POU2F2: variants seen among roughly 807,000 people sequenced by gnomAD.
The protein encoded by POU2F2 is POU domain, class 2, transcription factor 2.
Under a neutral mutation model 63.5 loss-of-function variants are expected in POU2F2, and 14 were observed. That is an observed-to-expected ratio of 0.22 (90% CI 0.15 to 0.34). The LOEUF is 0.34. Among genes scored for constraint, POU2F2 ranks in the 10% least tolerant of loss-of-function variants. The pLI, the probability that POU2F2 is intolerant of heterozygous loss-of-function variation, is 1.00. For synonymous variants in POU2F2, 306 were observed against 348.6 expected (o/e 0.88, Z 1.36); for missense variants, 607 against 815.2 (o/e 0.74, Z 3.11).
At position 42,095,510 on chromosome 19, in the gene POU2F2, T is replaced by C; in HGVS notation, c.1020+35A>G. On this transcript the variant is annotated intron_variant, in intron 10 of 14. Coordinates refer to ENST00000692977, the MANE Select transcript of POU2F2 (RefSeq NM_001394376.1). The surrounding 1 kb of genome is among the most constrained non-coding windows in gnomAD (Gnocchi z 7.1). ...CCCGAGGCCCACCGCCCGCCACCCC[T>C]CAGGTGAGGGCCACCCAGGAGAGGG... The C allele has an allele frequency of 6.2e-7, 1 of 1,603,930 alleles. No homozygotes were observed.
intron 1 of POU2F2, among the ~76,000 whole-genome samples, chr19:42,131,320 C>T (rs973740959): frequency 1.2e-4 from 18 of 152,090 alleles, no homozygotes; most frequent in Admixed American, 5.2e-4. Flanking sequence ...ACACCCAACA[C>T]AGAACTACTC....
upstream of POU2F2, among the ~76,000 whole-genome samples, chr19:42,133,186 C>T (rs1397624861): frequency 3.3e-5 from 5 of 152,160 alleles, no homozygotes; most frequent in Non-Finnish European, 5.9e-5. The surrounding 1 kb of genome is among the most constrained non-coding windows in gnomAD (Gnocchi z 5.1). Flanking sequence ...GGTCCCCGGG[C>T]TGCCGGCTGG....
Position 42,092,009 on chromosome 19 carries a change from C to A in POU2F2, c.1466+60G>T. On this transcript the variant is annotated intron_variant, in intron 13 of 14. Coordinates refer to ENST00000692977, the MANE Select transcript of POU2F2 (RefSeq NM_001394376.1). The surrounding 1 kb of genome is among the most constrained non-coding windows in gnomAD (Gnocchi z 5.0). ...CCAACATAACTGGGGTGCCGCTCCCCACCCTAGAAGCAGCAGCGACCCTGC... is the reference window on the plus strand; with the variant it reads ...CCAACATAACTGGGGTGCCGCTCCCAACCCTAGAAGCAGCAGCGACCCTGC... The A allele has an allele frequency of 6.5e-7, 1 of 1,546,484 alleles. No homozygotes were observed. Among genetic ancestry groups the A allele is most frequent in the Non-Finnish European group, 8.7e-7 (1 of 1,144,856 alleles).
chr19:42,150,366 G>T (rs997659861), intron 2 of POU2F2, among the ~76,000 whole-genome samples: 13 of 145,590 alleles, frequency 8.9e-5, no homozygotes, highest in Non-Finnish European at 1.7e-4. Context: ...AGAGGAGGGG[G>T]TCTTGGTGAT....
intron 2 of POU2F2, among the ~76,000 whole-genome samples, chr19:42,143,361 G>A (rs538569486): frequency 1.7e-3 from 257 of 152,018 alleles, no homozygotes; most frequent in Admixed American, 2.8e-3. Flanking sequence ...CAAAAAAAAA[G>A]AAAAAATTCA....
At chr19:42,123,406 C>T (rs1185574345) in intron 1 of POU2F2, among the ~76,000 whole-genome samples, 1 of 152,172 alleles carries the variant, frequency 6.6e-6, no homozygotes, top group Admixed American at 6.5e-5. Context: ...CATAAACCCA[C>T]GGAGACAAAT....
Position 42,089,750 on chromosome 19 carries a change from A to T in POU2F2, c.*1507T>A, listed in dbSNP as rs2076656195. 2 of 147,500 alleles carry T rather than the reference A, an allele frequency of 1.4e-5. No homozygotes were observed. The highest frequency in any genetic ancestry group is 5.0e-5 in the African/African-American group (2 of 40,388). 9.1% of individuals were successfully genotyped at this position (147,500 alleles called of 1,614,324 possible). On this transcript the variant is annotated 3_prime_UTR_variant, in exon 15 of 15. Transcript: ENST00000692977. ...TATATATGTTTATATATATATATAA[A>T]TTTTTTTTCTAGTTTAAATTTATTG...
chr19:42,197,595 T>C (rs1386295576), upstream of POU2F2, among the ~76,000 whole-genome samples: 1 of 151,992 alleles, frequency 6.6e-6, no homozygotes, highest in Non-Finnish European at 1.5e-5. Context: ...AAACCCTGAA[T>C]ATTGAGTAAG....
chr19:42,165,311 G>A (rs1489413275), intron 1 of POU2F2, among the ~76,000 whole-genome samples: 2 of 152,212 alleles, frequency 1.3e-5, no homozygotes, highest in Non-Finnish European at 2.9e-5. Flanking sequence ...AGAGTGGGCG[G>A]GGTAGTACCA....
intron 1 of POU2F2, among the ~76,000 whole-genome samples, chr19:42,166,782 G>A (rs1285708848): frequency 6.6e-6 from 1 of 152,118 alleles, no homozygotes; most frequent in Non-Finnish European, 1.5e-5. Flanking sequence ...GCTCAGGTAG[G>A]AGGTGGACTC....
intron 5 of POU2F2, among the ~76,000 whole-genome samples, chr19:42,116,535 T>C (rs1377467999): frequency 6.6e-6 from 1 of 152,106 alleles, no homozygotes; most frequent in Non-Finnish European, 1.5e-5. Flanking sequence ...ACTTTACCCC[T>C]CTGTAAGATG....
intron 1 of POU2F2, among the ~76,000 whole-genome samples, chr19:42,130,249 A>G (rs2033592049): frequency 6.6e-6 from 1 of 152,150 alleles, no homozygotes; most frequent in Non-Finnish European, 1.5e-5. Context: ...ACCAAGTCAC[A>G]TCAGTCCAGC....
chr19:42,096,803 T>C lies in POU2F2; in HGVS notation c.568-560A>G, dbSNP rs1024309351. On this transcript the variant is annotated intron_variant, in intron 7 of 14. Coordinates refer to ENST00000692977, the MANE Select transcript of POU2F2 (RefSeq NM_001394376.1). This position sits in a 1 kb window ranked among gnomAD's most constrained non-coding sequence, Gnocchi z 4.1. ...AGCTATGAACTTTGGGTAATAGTGA[T>C]GTGTCAATGTAGGTTCATCACCTGT... Among the ~76,000 whole-genome samples, 1 of 152,196 alleles carries C rather than the reference T, an allele frequency of 6.6e-6. No individual in the cohort carries two copies. Among genetic ancestry groups the C allele is most frequent in the Non-Finnish European group, 1.5e-5 (1 of 68,028 alleles).
chr19:42,149,688 A>G (rs979642680), intron 2 of POU2F2, among the ~76,000 whole-genome samples: 1 of 152,156 alleles, frequency 6.6e-6, no homozygotes, highest in Non-Finnish European at 1.5e-5. Context: ...AGAGACAAAG[A>G]AAACAGGAGA....
intron 1 of POU2F2, among the ~76,000 whole-genome samples, chr19:42,195,056 AGGG>A (rs2035121357): frequency 1.9e-4 from 5 of 25,670 alleles, no homozygotes; most frequent in South Asian, 2.4e-3. Flanking sequence ...GAAGGAAGGG[AGGG>A]AGGGAGGGAG....
intron 1 of POU2F2, among the ~76,000 whole-genome samples, chr19:42,166,274 A>C (rs1763562730): frequency 6.6e-6 from 1 of 151,956 alleles, no homozygotes; most frequent in Admixed American, 6.6e-5. Context: ...CATTCACAGC[A>C]CTGGGCACCA....
chr19:42,122,977 G>T (rs1426636546), intron 1 of POU2F2, among the ~76,000 whole-genome samples: 2 of 152,158 alleles, frequency 1.3e-5, no homozygotes. Flanking sequence ...CCAGGCTCCC[G>T]TCCTGCCCTA....
chr19:42,164,670 A>AT (rs1048471995), intron 1 of POU2F2, among the ~76,000 whole-genome samples: 2 of 151,812 alleles, frequency 1.3e-5, no homozygotes, highest in Non-Finnish European at 2.9e-5. Context: ...AAAAAAAAAA[A>AT]GCTAAGACAG....
intron 1 of POU2F2, among the ~76,000 whole-genome samples, chr19:42,185,465 C>A (rs2035002953): frequency 6.6e-6 from 1 of 152,284 alleles, no homozygotes; most frequent in East Asian, 1.9e-4. Flanking sequence ...GCTTTTCAGA[C>A]CCTTCACAGT....
Sources: allele counts gnomAD v4.1 joint callset (sites outside exome capture counted in the v4.1 genomes callset), GRCh38; gene constraint gnomAD v4.1.1; non-coding constraint Gnocchi (gnomAD v3.1); transcripts MANE v1.5; gene names NCBI Gene and HGNC (gene_info 2026-07-23, HGNC 2026-07-21).